The following MTUS2 variants were observed in gnomAD, a reference collection of about 807,000 sequenced individuals.
MTUS2 encodes microtubule-associated tumor suppressor candidate 2.
MTUS2 carries 40 observed loss-of-function variants against 114.1 expected under a neutral mutation model. The ratio of observed to expected loss-of-function variants is 0.35; its 90% CI spans 0.27 to 0.46. The LOEUF (loss-of-function observed/expected upper bound fraction) is 0.46. Ranked by LOEUF, MTUS2 falls within the 20% of genes least tolerant of loss-of-function variation. MTUS2 has a pLI of 1.00. For missense variants in MTUS2, 1,679 were observed against 1,705.4 expected (o/e 0.98, Z 0.27); for synonymous variants, 688 against 672.0 (o/e 1.02, Z -0.37).
At chr13:29,325,902 C>A (rs1900491800) in intron 7 of MTUS2, among the ~76,000 whole-genome samples, 1 of 152,170 alleles carries the variant, frequency 6.6e-6, no homozygotes, top group African/African-American at 2.4e-5. Context: ...TTAACCTAAG[C>A]AATCTGTGTC....
chr13:29,115,563 A>T (rs1392011655), intron 5 of MTUS2, among the ~76,000 whole-genome samples: 1 of 152,254 alleles, frequency 6.6e-6, no homozygotes, highest in Non-Finnish European at 1.5e-5. Flanking sequence ...GTCAAAAATC[A>T]TAAGAAAAAG....
intron 5 of MTUS2, among the ~76,000 whole-genome samples, chr13:29,159,916 C>T (rs1893022874): frequency 6.6e-6 from 1 of 152,232 alleles, no homozygotes; most frequent in South Asian, 2.1e-4. Context: ...GGTACAGCCA[C>T]TCTGGAAAGC....
chr13:29,432,892 C>T (rs906212853), intron 8 of MTUS2, among the ~76,000 whole-genome samples: 2 of 152,218 alleles, frequency 1.3e-5, no homozygotes, highest in Non-Finnish European at 1.5e-5. Context: ...TTGGGAGAGG[C>T]ACCTCACTGT....
intron 4 of MTUS2, among the ~76,000 whole-genome samples, chr13:29,043,630 G>GAT (rs368476644): frequency 0.011 from 1,651 of 148,982 alleles, 7 homozygotes; most frequent in African/African-American, 0.016. Context: ...CAGTGTTAGA[G>GAT]ATATATATAT....
chr13:28,844,238 G>A (rs1875708124), intron 2 of MTUS2, among the ~76,000 whole-genome samples: 1 of 152,126 alleles, frequency 6.6e-6, no homozygotes. Context: ...TTCTTTTGAA[G>A]GTTGAGTTTG....
chr13:29,294,692 C>A (rs2139587365), intron 6 of MTUS2, among the ~76,000 whole-genome samples: 1 of 152,232 alleles, frequency 6.6e-6, no homozygotes, highest in South Asian at 2.1e-4. Context: ...TGGAATCACA[C>A]AACATATACT....
chr13:29,324,712 G>A lies in MTUS2; in HGVS notation c.2905+1G>A. 1 of 1,589,976 alleles carries A rather than the reference G, an allele frequency of 6.3e-7. No individual in the cohort carries two copies. The highest frequency in any genetic ancestry group is 8.6e-7 in the Non-Finnish European group (1 of 1,166,158). On this transcript the variant is annotated splice_donor_variant, in intron 7 of 15. Coordinates refer to ENST00000612955, the MANE Select transcript of MTUS2 (RefSeq NM_001033602.4). LOFTEE classifies it high-confidence loss of function. ...TCAACCACCAAGCTTCATTCACCAG[G>A]TATGTAAGAAATATGATGTGTTCCT... is the stretch of plus-strand genomic sequence containing the variant.
chr13:29,356,288 C>T (rs1291127910), intron 7 of MTUS2, among the ~76,000 whole-genome samples: 2 of 152,192 alleles, frequency 1.3e-5, no homozygotes, highest in African/African-American at 2.4e-5. Context: ...CCCAGACCCA[C>T]CATGTGCCCT....
At chr13:28,961,949 C>T (rs1450368902) in intron 2 of MTUS2, among the ~76,000 whole-genome samples, 1 of 151,860 alleles carries the variant, frequency 6.6e-6, no homozygotes, top group African/African-American at 2.4e-5. Flanking sequence ...TTGGCTGTAC[C>T]TCTGATTATT....
At chr13:29,074,039 G>A (rs78846110) in intron 4 of MTUS2, among the ~76,000 whole-genome samples, 1 of 152,174 alleles carries the variant, frequency 6.6e-6, no homozygotes, top group Non-Finnish European at 1.5e-5. Flanking sequence ...TTTATTGGCT[G>A]CCTCCCAACT....
chr13:29,279,708 G>A (rs541579852), intron 5 of MTUS2, among the ~76,000 whole-genome samples: 229 of 152,236 alleles, frequency 1.5e-3, no homozygotes, highest in African/African-American at 5.3e-3. Context: ...CCCTCAGAGG[G>A]AAGTACATAG....
At chr13:28,907,599 A>G (rs1880118741) in intron 2 of MTUS2, among the ~76,000 whole-genome samples, 1 of 151,500 alleles carries the variant, frequency 6.6e-6, no homozygotes, top group Non-Finnish European at 1.5e-5. Flanking sequence ...CAGGGGTTGC[A>G]ATCCTAGTCT....
At chr13:29,266,076 G>A (rs1897656822) in intron 5 of MTUS2, among the ~76,000 whole-genome samples, 1 of 152,150 alleles carries the variant, frequency 6.6e-6, no homozygotes, top group Non-Finnish European at 1.5e-5. Flanking sequence ...AGGACCAGTG[G>A]CAGGAAGAAA....
intron 2 of MTUS2, among the ~76,000 whole-genome samples, chr13:28,894,357 TGAGA>T (rs150604080): frequency 3.6e-5 from 2 of 55,934 alleles, no homozygotes; most frequent in African/African-American, 1.6e-4. Context: ...AGAGTGAGAG[TGAGA>T]GAGAGAGAGA....
At chr13:29,241,499 A>G (rs1896731932) in intron 5 of MTUS2, among the ~76,000 whole-genome samples, 1 of 152,052 alleles carries the variant, frequency 6.6e-6, no homozygotes, top group South Asian at 2.1e-4. Flanking sequence ...ATCCTTCTCA[A>G]GTCACCTCTC....
intron 1 of MTUS2, among the ~76,000 whole-genome samples, chr13:28,822,209 C>T (rs1469566757): frequency 6.6e-6 from 1 of 152,140 alleles, no homozygotes; most frequent in Non-Finnish European, 1.5e-5. Flanking sequence ...TCCCAAATAT[C>T]CAAATCTAGG....
chr13:29,155,261 A>G (rs982623250), intron 5 of MTUS2, among the ~76,000 whole-genome samples: 1 of 152,244 alleles, frequency 6.6e-6, no homozygotes, highest in Non-Finnish European at 1.5e-5. Flanking sequence ...TAACACCCCA[A>G]TGGGGGAAAT....
At chr13:28,837,215 C>T (rs563452450) in intron 1 of MTUS2, among the ~76,000 whole-genome samples, 1 of 152,266 alleles carries the variant, frequency 6.6e-6, no homozygotes, top group African/African-American at 2.4e-5. Flanking sequence ...AACAATCAGC[C>T]TCAGGGTGGT....
intron 8 of MTUS2, among the ~76,000 whole-genome samples, chr13:29,370,887 A>G (rs1341032044): frequency 2.0e-5 from 3 of 152,244 alleles, no homozygotes; most frequent in Non-Finnish European, 4.4e-5. Context: ...AGCTCCATTA[A>G]TTTCAGACAA....
Sources: gnomAD v4.1 joint callset for allele counts (sites outside exome capture counted in the v4.1 genomes callset) on GRCh38, gnomAD v4.1.1 for gene constraint, MANE v1.5 for transcripts, NCBI Gene and HGNC (gene_info 2026-07-23, HGNC 2026-07-21) for gene names.